TRIM62: variants seen among roughly 807,000 people sequenced by gnomAD.
TRIM62 encodes E3 ubiquitin-protein ligase TRIM62.
In TRIM62, 39 loss-of-function variants were observed where a neutral mutation model predicts 44.2. That is an observed-to-expected ratio of 0.88 (90% confidence interval 0.68 to 1.15). TRIM62 has a LOEUF of 1.15. Ranked by LOEUF, TRIM62 falls within the 50% of genes most tolerant of loss-of-function variation. The pLI, the probability that TRIM62 is intolerant of heterozygous loss-of-function variation, is 0.00. For missense variants in TRIM62, 544 were observed against 665.5 expected (o/e 0.82, Z 2.01); for synonymous variants, 278 against 292.3 (o/e 0.95, Z 0.50).
Position 33,181,045 on chromosome 1 carries a change from C to T in TRIM62, c.388G>A (p.Asp130Asn), listed in dbSNP as rs777917533. Reference sequence around the variant, plus strand: ...CGCACCTGCAGCTCGTCGAAGGCGTCGTCGATGCCGGTGACCTGATGCTGC... The same window carrying T: ...CGCACCTGCAGCTCGTCGAAGGCGTTGTCGATGCCGGTGACCTGATGCTGC... ...HEQHQVTGIDDAFDELQRELK... is the reference protein window; with the variant it reads ...HEQHQVTGIDNAFDELQRELK... Residue 130 changes from aspartate (D) to asparagine (N), a missense_variant, in exon 1 of 5, where the codon GAC (aspartate) becomes AAC (asparagine). Coordinates refer to ENST00000291416, the MANE Select transcript of TRIM62 (RefSeq NM_018207.3). This position sits in a 1 kb window ranked among gnomAD's most constrained non-coding sequence, Gnocchi z 6.5. 1 of 1,518,100 alleles carries T rather than the reference C, an allele frequency of 6.6e-7. No homozygotes were observed. Among genetic ancestry groups the T allele is most frequent in the African/African-American group, 1.4e-5 (1 of 71,504 alleles). 94.0% of individuals were successfully genotyped at this position (1,518,100 alleles called of 1,614,324 possible).
At chr1:33,176,329 G>A (rs1645418664) in intron 1 of TRIM62, 10 of 621,950 alleles carry the variant, frequency 1.6e-5, no homozygotes, top group Admixed American at 2.2e-5. Flanking sequence ...AACCAGAGCC[G>A]AAATTTGAAC....
chr1:33,165,623 A>G lies in TRIM62; in HGVS notation c.409-57T>C. 6.9e-7 allele frequency: 1 copy of G among 1,458,476 alleles called. No individual in the cohort carries two copies. The highest frequency in any genetic ancestry group is 1.3e-5 in the South Asian group (1 of 75,922). The allele number at this position is 1,458,476 out of a possible 1,614,324, so 90.3% of individuals were successfully genotyped here. A position where few individuals can be genotyped will look rare whatever the true frequency, so the allele number is the denominator to read the frequency against. On this transcript the variant is annotated intron_variant, in intron 1 of 4. Transcript: ENST00000291416. This position sits in a 1 kb window ranked among gnomAD's most constrained non-coding sequence, Gnocchi z 4.0. ...GGGGCCATGCCTGGCCCAGGCATTC[A>G]GCCCTGACCACTGCCAGGCGCTGGG...
intron 1 of TRIM62, among the ~76,000 whole-genome samples, chr1:33,173,681 T>A (rs1167743301): frequency 6.8e-6 from 1 of 147,006 alleles, no homozygotes; most frequent in African/African-American, 2.5e-5. Context: ...TTTCTTTCTT[T>A]TTTTTTTTTT....
chr1:33,181,964 C>G lies in TRIM62; in HGVS notation c.-532G>C, dbSNP rs1205756369. 1 of 155,800 alleles carries G rather than the reference C, an allele frequency of 6.4e-6. No homozygotes were observed. Among genetic ancestry groups the G allele is most frequent in the Non-Finnish European group, 1.4e-5 (1 of 70,342 alleles). The allele number at this position is 155,800 out of a possible 1,614,324, so 9.7% of individuals were successfully genotyped here. The stretch of plus-strand genomic sequence containing the variant: ...GCCCGCTCAGCTGCCGGATCCCGGC[C>G]CCAAACCCTGGCCCAGCGCGACCCC... On this transcript the variant is annotated 5_prime_UTR_variant, in exon 1 of 5. Transcript: ENST00000291416. This position sits in a 1 kb window ranked among gnomAD's most constrained non-coding sequence, Gnocchi z 6.5.
intron 1 of TRIM62, among the ~76,000 whole-genome samples, chr1:33,175,298 T>C (rs2147987889): frequency 6.6e-6 from 1 of 151,986 alleles, no homozygotes; most frequent in South Asian, 2.1e-4. Flanking sequence ...TGCCTTGGCC[T>C]CCTGAAGTGC....
intron 1 of TRIM62, chr1:33,176,322 C>A: frequency 1.6e-6 from 1 of 612,912 alleles, no homozygotes; most frequent in South Asian, 1.7e-5. Context: ...TGGAAGAAAC[C>A]AGAGCCGAAA....
chr1:33,156,876 C>T lies in TRIM62; in HGVS notation c.877+1377G>A, dbSNP rs116456844. Among the ~76,000 whole-genome samples the T allele has an allele frequency of 8.3e-3, 1,261 of 152,134 alleles. 18 individuals carry two copies. The highest frequency in any genetic ancestry group is 0.029 in the African/African-American group (1,186 of 41,456). ...TCTTTCACACCTGGATTTGCTAATCCGCTAGCAAATCCTGTTGGCTGTCCT... is the reference window on the plus strand; with the variant it reads ...TCTTTCACACCTGGATTTGCTAATCTGCTAGCAAATCCTGTTGGCTGTCCT... On this transcript the variant is annotated intron_variant, in intron 4 of 4. Coordinates refer to ENST00000291416, the MANE Select transcript of TRIM62 (RefSeq NM_018207.3).
Position 33,160,631 on chromosome 1 carries a change from C to A in TRIM62, c.505-687G>T, listed in dbSNP as rs1252073408. On this transcript the variant is annotated intron_variant, in intron 2 of 4. Transcript: ENST00000291416. ...TGTTGGCCAGGCTGGTCTCAAACAC[C>A]TGACGTTAGGTGATCTGCCCACCTT... 5.9e-5 allele frequency among the ~76,000 whole-genome samples: 9 copies of A among 152,200 alleles called. No homozygotes were observed. In the South Asian group the frequency reaches 1.9e-3, roughly 32 times the overall value.
intron 1 of TRIM62, among the ~76,000 whole-genome samples, chr1:33,169,838 G>A (rs1343600552): frequency 6.6e-6 from 1 of 152,228 alleles, no homozygotes; most frequent in East Asian, 1.9e-4. Flanking sequence ...CTACCAGAGA[G>A]TTCTAGTGGA....
intron 1 of TRIM62, among the ~76,000 whole-genome samples, chr1:33,179,553 A>G (rs756273648): frequency 6.6e-6 from 1 of 152,176 alleles, no homozygotes; most frequent in Non-Finnish European, 1.5e-5. Context: ...TTTGAGCCAA[A>G]AACCTTCTGC....
intron 1 of TRIM62, 53 bp downstream of exon 1, chr1:33,180,972 G>GCCCCCCC: frequency 2.3e-6 from 3 of 1,306,620 alleles, no homozygotes; most frequent in South Asian, 1.5e-5. Flanking sequence ...CCCCCGCCCG[G>GCCCCCCC]CCCCACCTCC....
Position 33,147,425 on chromosome 1 carries a change from C to T in TRIM62, c.1180G>A (p.Gly394Ser). Residue 394 changes from glycine to serine, a missense_variant, in exon 5 of 5, where the codon GGC becomes AGC. By Grantham distance (56) the Gly-to-Ser change is moderately conservative. Coordinates refer to ENST00000291416, the MANE Select transcript of TRIM62 (RefSeq NM_018207.3). The surrounding 1 kb of genome is among the most constrained non-coding windows in gnomAD (Gnocchi z 8.1). ...TCCGTGCAGGCGCTGTACTGGTTGC[C>T]ATCGTGCATCACGATGCAGTAGAAG... ...RGFYCIVMHD[G>S]NQYSACTEPW... 1 of 1,614,104 alleles carries T rather than the reference C, an allele frequency of 6.2e-7. No individual in the cohort carries two copies. The highest frequency in any genetic ancestry group is 8.5e-7 in the Non-Finnish European group (1 of 1,180,028).
chr1:33,181,528 G>C lies in TRIM62; in HGVS notation c.-96C>G. On this transcript the variant is annotated 5_prime_UTR_variant, in exon 1 of 5. Transcript: ENST00000291416. The surrounding 1 kb of genome is among the most constrained non-coding windows in gnomAD (Gnocchi z 6.5). ...GGCAGCACCGAGGGCTGGGCGCGGG[G>C]ACGAGGCCCGCACAGGCAGGGGTAG... 2.1e-6 allele frequency: 3 copies of C among 1,450,996 alleles called. No individual in the cohort carries two copies. Among genetic ancestry groups the C allele is most frequent in the African/African-American group, 2.9e-5 (2 of 68,684 alleles). The allele number at this position is 1,450,996 out of a possible 1,614,324, so 89.9% of individuals were successfully genotyped here.
chr1:33,149,521 C>CA lies in TRIM62; in HGVS notation c.878-1795dup, dbSNP rs1203044483. Among the ~76,000 whole-genome samples the CA allele has an allele frequency of 4.6e-5, 7 of 152,134 alleles. 1 individual carries two copies. The highest frequency in any genetic ancestry group is 4.6e-4 in the Admixed American group (7 of 15,262). The stretch of plus-strand genomic sequence containing the variant: ...CCAGGCTGGAGTGCAGTAGTGTCAT[C>CA]ATAGCTCATTGGAGCCTCCAACTCC... On this transcript the variant is annotated intron_variant, in intron 4 of 4. Coordinates refer to ENST00000291416, the MANE Select transcript of TRIM62 (RefSeq NM_018207.3).
intron 1 of TRIM62, among the ~76,000 whole-genome samples, chr1:33,169,384 C>T (rs936648689): frequency 2.6e-5 from 4 of 152,218 alleles, no homozygotes; most frequent in Admixed American, 1.3e-4. Context: ...CCTCTCTATG[C>T]GTGCTGCCTC....
At chr1:33,157,943 G>C (rs1050813288) in intron 4 of TRIM62, among the ~76,000 whole-genome samples, 2 of 152,086 alleles carry the variant, frequency 1.3e-5, no homozygotes, top group Non-Finnish European at 2.9e-5. Flanking sequence ...TTTTAATAGA[G>C]ACAGGGTTTC....
At chr1:33,166,703 A>G (rs1164470701) in intron 1 of TRIM62, among the ~76,000 whole-genome samples, 1 of 152,168 alleles carries the variant, frequency 6.6e-6, no homozygotes. Flanking sequence ...GCCAGGTGAC[A>G]CGTTTTCTAC....
intron 1 of TRIM62, among the ~76,000 whole-genome samples, chr1:33,173,678 C>CT (rs11330769): frequency 2.1e-5 from 3 of 143,792 alleles, no homozygotes; most frequent in East Asian, 2.0e-4. Context: ...CAGTTTCTTT[C>CT]TTTTTTTTTT....
Position 33,181,319 on chromosome 1 carries a change from G to T in TRIM62, c.114C>A (p.His38Gln), listed in dbSNP as rs1473464514. 2 of 1,569,810 alleles carry T rather than the reference G, an allele frequency of 1.3e-6. No homozygotes were observed. The highest frequency in any genetic ancestry group is 1.9e-5 in the Admixed American group (1 of 53,262). Reference sequence around the variant, plus strand: ...CGCCCTGCGCCTCCTGCCGCACCCAGTGCTCCGTGATGCAGCGGCGGCAGA... The same window carrying T: ...CGCCCTGCGCCTCCTGCCGCACCCATTGCTCCGTGATGCAGCGGCGGCAGA... The part of the protein sequence containing the change: ...HYFCRRCITE[H>Q]WVRQEAQGAR... Residue 38 changes from histidine (H) to glutamine (Q), a missense_variant, in exon 1 of 5, where the codon CAC becomes CAA. Coordinates refer to ENST00000291416, the MANE Select transcript of TRIM62 (RefSeq NM_018207.3). This position sits in a 1 kb window ranked among gnomAD's most constrained non-coding sequence, Gnocchi z 6.5.
Sources: allele counts gnomAD v4.1 joint callset (sites outside exome capture counted in the v4.1 genomes callset), GRCh38; gene constraint gnomAD v4.1.1; non-coding constraint Gnocchi (gnomAD v3.1); transcripts MANE v1.5; gene names NCBI Gene and HGNC (gene_info 2026-07-23, HGNC 2026-07-21).